The following ASF1A variants were observed in gnomAD, a reference collection of about 807,000 sequenced individuals.
ASF1A encodes histone chaperone ASF1A.
ASF1A carries 5 observed loss-of-function variants against 22.0 expected under a neutral mutation model. That is an observed-to-expected ratio of 0.23 (90% CI 0.12 to 0.48). ASF1A has a LOEUF of 0.48. Ranked by LOEUF, ASF1A falls within the 20% of genes least tolerant of loss-of-function variation. The probability of loss-of-function intolerance (pLI) is 0.99; values close to 1 mark genes in which losing one functional copy is unlikely to be tolerated. For missense variants in ASF1A, 137 were observed against 240.6 expected (o/e 0.57, Z 2.85); for synonymous variants, 97 against 86.7 (o/e 1.12, Z -0.66).
chr6:118,894,449 G>T lies in ASF1A; in HGVS notation c.36G>T (p.Leu12=). Residue 12 remains leucine (L), a synonymous_variant, in exon 1 of 4, where the codon CTG becomes CTT. Transcript: ENST00000229595. The part of the protein sequence containing the change: ...AKVQVNNVVV[L]DNPSPFYNPF... ...TTCAGGTGAACAATGTAGTGGTGCT[G>T]GATAACCCTTCTCCTTTCTACAACC... The T allele has an allele frequency of 3.3e-6, 5 of 1,537,154 alleles. No homozygotes were observed. The highest frequency in any genetic ancestry group is 4.4e-6 in the Non-Finnish European group (5 of 1,146,838).
At chr6:118,900,658 C>A in intron 1 of ASF1A, 108 bp from the exon 2 acceptor site, 1 of 774,256 alleles carries the variant, frequency 1.3e-6, no homozygotes, top group Non-Finnish European at 2.3e-6. Flanking sequence ...CTATGAGAAG[C>A]CAATTTTAAA....
Position 118,905,592 on chromosome 6 carries a change from T to C in ASF1A, c.226-60T>C, listed in dbSNP as rs536333803. The C allele has an allele frequency of 1.5e-4, 208 of 1,406,486 alleles. No individual in the cohort carries two copies. In the Middle Eastern group the frequency reaches 1.5e-3, roughly 10 times the overall value. 87.1% of individuals were successfully genotyped at this position (1,406,486 alleles called of 1,614,324 possible). On this transcript the variant is annotated intron_variant, in intron 2 of 3. Coordinates refer to ENST00000229595, the MANE Select transcript of ASF1A (RefSeq NM_014034.3). ...GTTCTAGGTAACTGAAACTCCAGTCTTGCCTGCCACTAACAGCCTTTTGTG... is the reference window on the plus strand; with the variant it reads ...GTTCTAGGTAACTGAAACTCCAGTCCTGCCTGCCACTAACAGCCTTTTGTG...
chr6:118,901,107 A>G (rs1779772657), intron 2 of ASF1A: 1 of 421,486 alleles, frequency 2.4e-6, no homozygotes, highest in Non-Finnish European at 4.3e-6. Context: ...TTTACTTTAG[A>G]GAGATGAACA....
chr6:118,902,343 T>TA (rs1223642666), intron 2 of ASF1A, among the ~76,000 whole-genome samples: 1 of 152,180 alleles, frequency 6.6e-6, no homozygotes, highest in Non-Finnish European at 1.5e-5. Context: ...TAAAACAGTA[T>TA]AATCAGTCAC....
chr6:118,899,814 C>T (rs1240378859), intron 1 of ASF1A, among the ~76,000 whole-genome samples: 1 of 152,222 alleles, frequency 6.6e-6, no homozygotes, highest in Non-Finnish European at 1.5e-5. Flanking sequence ...CAGAAACTCA[C>T]CCTTTGGGAG....
At chr6:118,903,672 G>A (rs909938626) in intron 2 of ASF1A, among the ~76,000 whole-genome samples, 2 of 152,216 alleles carry the variant, frequency 1.3e-5, no homozygotes, top group Non-Finnish European at 2.9e-5. Context: ...ATTAAAAGAT[G>A]AATTTTTCAG....
chr6:118,897,757 T>C (rs774881294), intron 1 of ASF1A, among the ~76,000 whole-genome samples: 3 of 152,118 alleles, frequency 2.0e-5, no homozygotes, highest in Non-Finnish European at 2.9e-5. Context: ...TGAGAACTTA[T>C]GTAAAACATC....
intron 1 of ASF1A, among the ~76,000 whole-genome samples, chr6:118,897,948 T>A (rs1340401695): frequency 6.6e-6 from 1 of 152,200 alleles, no homozygotes; most frequent in African/African-American, 2.4e-5. Flanking sequence ...TTCCCTGAGT[T>A]GCAGCCTGTT....
chr6:118,900,870 T>G lies in ASF1A; in HGVS notation c.214T>G (p.Phe72Val). The G allele has an allele frequency of 6.2e-7, 1 of 1,610,158 alleles. No individual in the cohort carries two copies. Among genetic ancestry groups the G allele is most frequent in the Non-Finnish European group, 8.5e-7 (1 of 1,176,412 alleles). ...TCCTGTTCCCGCAGGAAGGCATATG[T>G]TTGTATTTCAGGTAAGATTAATCTT... ...VGPVPAGRHM[F>V]VFQADAPNPG... Residue 72 changes from phenylalanine to valine, a missense_variant, in exon 2 of 4, where the codon TTT becomes GTT. Coordinates refer to ENST00000229595, the MANE Select transcript of ASF1A (RefSeq NM_014034.3).
Position 118,905,744 on chromosome 6 carries a change from T to C in ASF1A, c.318T>C (p.Phe106=). Reference sequence around the variant, plus strand: ...CTTGTACCTATCGAGGACAAGAATTTATTAGAGTTGGCTATTATGTAAATA... The same window carrying C: ...CTTGTACCTATCGAGGACAAGAATTCATTAGAGTTGGCTATTATGTAAATA... ...LITCTYRGQE[F]IRVGYYVNNE... The change falls in exon 3 of 4, where the codon TTT becomes TTC. Residue 106 remains phenylalanine (F), a synonymous_variant. Coordinates refer to ENST00000229595, the MANE Select transcript of ASF1A (RefSeq NM_014034.3). 1 of 1,613,630 alleles carries C rather than the reference T, an allele frequency of 6.2e-7. No homozygotes were observed. The highest frequency in any genetic ancestry group is 2.2e-5 in the East Asian group (1 of 44,868).
At chr6:118,895,569 T>C (rs897726356) in intron 1 of ASF1A, among the ~76,000 whole-genome samples, 2 of 152,118 alleles carry the variant, frequency 1.3e-5, no homozygotes, top group African/African-American at 4.8e-5. Context: ...CAACTCCTCA[T>C]GTCAGTCCAA....
chr6:118,895,033 C>A (rs1024621527), intron 1 of ASF1A, among the ~76,000 whole-genome samples: 7 of 152,182 alleles, frequency 4.6e-5, no homozygotes, highest in Non-Finnish European at 1.0e-4. Flanking sequence ...CTGCCCCCGG[C>A]GAAAGGCAGG....
In ASF1A at chr6:118,907,846, A is replaced by C. The variant is rs1206512389; in HGVS notation, c.*232A>C. On this transcript the variant is annotated 3_prime_UTR_variant, in exon 4 of 4. Transcript: ENST00000229595. ...TTTTATTTGTTCTGAAACTAATCTG[A>C]TTAAAGCATATATATTATTTTCTTC... 3 of 420,000 alleles carry C rather than the reference A, an allele frequency of 7.1e-6. No homozygotes were observed. The Admixed American group carries it at 1.2e-4, about 16-fold the overall frequency. The allele number at this position is 420,000 out of a possible 1,614,324, so 26.0% of individuals were successfully genotyped here.
chr6:118,897,305 T>C (rs7772912), intron 1 of ASF1A, among the ~76,000 whole-genome samples: 122,610 of 152,022 alleles, frequency 0.81, 49,902 homozygotes, highest in East Asian at 0.92. Context: ...TGAGGAATAT[T>C]TGGTCTTAAG....
At chr6:118,906,829 A>C (rs924416143) in intron 3 of ASF1A, among the ~76,000 whole-genome samples, 1 of 152,198 alleles carries the variant, frequency 6.6e-6, no homozygotes, top group Non-Finnish European at 1.5e-5. Context: ...TGACAATAGA[A>C]TAGAATGTTC....
chr6:118,897,633 C>A (rs1421429738), intron 1 of ASF1A, among the ~76,000 whole-genome samples: 1 of 152,046 alleles, frequency 6.6e-6, no homozygotes, highest in Non-Finnish European at 1.5e-5. Flanking sequence ...TTCCCTCATT[C>A]ACTCACTCTT....
rs915623142 is a variant in ASF1A, at chr6:118,907,817, GTTATT to G, written c.*210_*214del. 1.6e-5 allele frequency: 8 copies of G among 493,752 alleles called. No individual in the cohort carries two copies. Among genetic ancestry groups the G allele is most frequent in the South Asian group, 5.9e-5 (2 of 33,786 alleles). 30.6% of individuals were successfully genotyped at this position (493,752 alleles called of 1,614,324 possible). On this transcript the variant is annotated 3_prime_UTR_variant, in exon 4 of 4. Coordinates refer to ENST00000229595, the MANE Select transcript of ASF1A (RefSeq NM_014034.3). ...TTTAAGTAATTTTTTTCTCTAATGT[GTTATT>G]TTATTTGTTCTGAAACTAATCTGAT...
At chr6:118,900,030 T>C (rs917972290) in intron 1 of ASF1A, among the ~76,000 whole-genome samples, 4 of 152,226 alleles carry the variant, frequency 2.6e-5, no homozygotes, top group South Asian at 2.1e-4. Context: ...AAATCCGCTA[T>C]ATTGAATTAC....
At chr6:118,905,869 C>T in intron 3 of ASF1A, 41 bp downstream of exon 3, 1 of 1,445,504 alleles carries the variant, frequency 6.9e-7, no homozygotes, top group Non-Finnish European at 9.3e-7. Flanking sequence ...TTTTACTATG[C>T]AATTTTTAAA....
Sources: gnomAD v4.1 joint callset for allele counts (sites outside exome capture counted in the v4.1 genomes callset) on GRCh38, gnomAD v4.1.1 for gene constraint, MANE v1.5 for transcripts, NCBI Gene and HGNC (gene_info 2026-07-23, HGNC 2026-07-21) for gene names.